The following TPRG1 variants were observed in gnomAD, a reference collection of about 807,000 sequenced individuals.
The protein encoded by TPRG1 is tumor protein p63 regulated 1.
A neutral mutation model predicts 29.3 loss-of-function variants in TPRG1; 29 were observed. That is an observed-to-expected ratio of 0.99 (90% CI 0.74 to 1.35). TPRG1 has a LOEUF of 1.35. Ranked by LOEUF, TPRG1 falls within the 40% of genes most tolerant of loss-of-function variation. The pLI, the probability that TPRG1 is intolerant of heterozygous loss-of-function variation, is 0.00. For missense variants in TPRG1, 327 were observed against 335.0 expected (o/e 0.98, Z 0.19); for synonymous variants, 130 against 116.8 (o/e 1.11, Z -0.73).
chr3:189,291,551 G>T (rs1344686904), intron 4 of TPRG1, among the ~76,000 whole-genome samples: 5 of 152,092 alleles, frequency 3.3e-5, no homozygotes, highest in Non-Finnish European at 5.9e-5. Context: ...TCACACCAAT[G>T]AATGGATATG....
At chr3:189,005,470 C>T (rs1712240248) in intron 3 of TPRG1, among the ~76,000 whole-genome samples, 1 of 151,974 alleles carries the variant, frequency 6.6e-6, no homozygotes, top group Admixed American at 6.6e-5. Context: ...AGAAAATTTT[C>T]AAATCAGGAA....
At chr3:189,134,509 C>T (rs967432118) in intron 3 of TPRG1, among the ~76,000 whole-genome samples, 14 of 147,196 alleles carry the variant, frequency 9.5e-5, no homozygotes, top group African/African-American at 3.5e-4. Flanking sequence ...ACTTCCCTGA[C>T]TCAAGTGATC....
intron 4 of TPRG1, among the ~76,000 whole-genome samples, chr3:189,278,888 T>A (rs1401424886): frequency 6.6e-6 from 1 of 152,238 alleles, no homozygotes; most frequent in Non-Finnish European, 1.5e-5. Context: ...ATGTATAATA[T>A]GCCATTTCCA....
At chr3:189,128,363 G>A (rs546576851) in intron 2 of TPRG1, among the ~76,000 whole-genome samples, 90 of 152,242 alleles carry the variant, frequency 5.9e-4, no homozygotes, top group African/African-American at 2.1e-3. Context: ...TGGAAGTCAG[G>A]TCAAGGTAGG....
rs573750298 is a variant in TPRG1, at chr3:189,321,981, C to T, written c.*1161C>T. The T allele has an allele frequency of 4.6e-5, 7 of 152,110 alleles. No homozygotes were observed. Among genetic ancestry groups the T allele is most frequent in the South Asian group, 2.1e-4 (1 of 4,816 alleles). The allele number at this position is 152,110 out of a possible 1,614,324, so 9.4% of individuals were successfully genotyped here. A position where few individuals can be genotyped will look rare whatever the true frequency, so the allele number is the denominator to read the frequency against. On this transcript the variant is annotated 3_prime_UTR_variant, in exon 6 of 6. Transcript: ENST00000345063. ...CTCTTATTTCCTCTTTGTCTCTTCC[C>T]GACTTAGATCTAATTTTCAACAACC...
chr3:189,288,930 T>A (rs1473067283), intron 4 of TPRG1, among the ~76,000 whole-genome samples: 1 of 152,234 alleles, frequency 6.6e-6, no homozygotes, highest in Non-Finnish European at 1.5e-5. Flanking sequence ...TGGGTGCCTG[T>A]ATCTGTACGT....
chr3:189,201,642 A>G (rs781637776), intron 1 of TPRG1, among the ~76,000 whole-genome samples: 7 of 151,916 alleles, frequency 4.6e-5, no homozygotes, highest in Non-Finnish European at 1.0e-4. Flanking sequence ...GTTATACTCA[A>G]ATTGTTGTTT....
chr3:189,225,209 G>T (rs1296366230), intron 3 of TPRG1, among the ~76,000 whole-genome samples: 1 of 152,194 alleles, frequency 6.6e-6, no homozygotes, highest in Non-Finnish European at 1.5e-5. Flanking sequence ...GGGATTACAG[G>T]CGTGAGCCAT....
At chr3:189,214,418 A>G (rs1735725592) in intron 2 of TPRG1, among the ~76,000 whole-genome samples, 1 of 151,784 alleles carries the variant, frequency 6.6e-6, no homozygotes, top group African/African-American at 2.4e-5. Flanking sequence ...TGCATCACAA[A>G]GAGTGGAGGT....
chr3:189,199,503 A>G (rs1370099631), intron 1 of TPRG1, among the ~76,000 whole-genome samples: 1 of 152,210 alleles, frequency 6.6e-6, no homozygotes, highest in Non-Finnish European at 1.5e-5. Context: ...AATAAGATTG[A>G]TGACCGGGAA....
intron 4 of TPRG1, among the ~76,000 whole-genome samples, chr3:189,256,605 C>T (rs1711930191): frequency 6.6e-6 from 1 of 151,952 alleles, no homozygotes; most frequent in Non-Finnish European, 1.5e-5. Context: ...GACAGTGGGG[C>T]ATTAAAGTCT....
chr3:189,136,653 G>A (rs529170842), intron 3 of TPRG1, among the ~76,000 whole-genome samples: 2 of 152,166 alleles, frequency 1.3e-5, no homozygotes, highest in African/African-American at 2.4e-5. Context: ...AAACAGCTAG[G>A]TCTCTGCCCT....
chr3:189,203,780 G>A (rs2108788947), intron 1 of TPRG1, among the ~76,000 whole-genome samples: 1 of 152,268 alleles, frequency 6.6e-6, no homozygotes, highest in South Asian at 2.1e-4. Flanking sequence ...GGTGGCTCAT[G>A]CCTATAATCC....
At chr3:189,126,429 C>A (rs1722501859) in intron 1 of TPRG1, among the ~76,000 whole-genome samples, 1 of 152,198 alleles carries the variant, frequency 6.6e-6, no homozygotes, top group Non-Finnish European at 1.5e-5. Context: ...CTCGATGTCA[C>A]TAAGACTGGC....
intron 5 of TPRG1, among the ~76,000 whole-genome samples, chr3:189,319,218 T>C (rs1560699769): frequency 6.6e-6 from 1 of 152,198 alleles, no homozygotes; most frequent in Non-Finnish European, 1.5e-5. Context: ...ATTATTATTA[T>C]GAAAAATTTA....
At chr3:189,084,684 T>C (rs1487991675) in intron 4 of TPRG1, among the ~76,000 whole-genome samples, 2 of 152,218 alleles carry the variant, frequency 1.3e-5, no homozygotes, top group Admixed American at 6.5e-5. Flanking sequence ...CCATCTCTCC[T>C]CCACCCTCCA....
chr3:189,011,079 T>C (rs1054536295), intron 3 of TPRG1, among the ~76,000 whole-genome samples: 3 of 152,286 alleles, frequency 2.0e-5, no homozygotes, highest in African/African-American at 7.2e-5. Context: ...GTTATAGGTG[T>C]GTGGTCTCAT....
chr3:189,120,998 T>G (rs1455182780), intron 1 of TPRG1, among the ~76,000 whole-genome samples: 1 of 152,160 alleles, frequency 6.6e-6, no homozygotes, highest in East Asian at 1.9e-4. Context: ...AAAGGTAAAT[T>G]ATTAGATGAC....
At chr3:189,308,537 T>C (rs1344265778) in intron 4 of TPRG1, among the ~76,000 whole-genome samples, 1 of 152,246 alleles carries the variant, frequency 6.6e-6, no homozygotes, top group Non-Finnish European at 1.5e-5. Flanking sequence ...TTTTCACCTC[T>C]GGAGCTCAGG....
Sources: allele counts gnomAD v4.1 joint callset (sites outside exome capture counted in the v4.1 genomes callset), GRCh38; gene constraint gnomAD v4.1.1; transcripts MANE v1.5; gene names NCBI Gene and HGNC (gene_info 2026-07-23, HGNC 2026-07-21).